The following PTPRD variants were observed in gnomAD, a reference collection of about 807,000 sequenced individuals.
The protein encoded by PTPRD is receptor-type tyrosine-protein phosphatase delta.
In PTPRD, 34 loss-of-function variants were observed where a neutral mutation model predicts 214.5. The observed-to-expected ratio is 0.16, with a 90% confidence interval of 0.12 to 0.21. The LOEUF is 0.21. Among genes scored for constraint, PTPRD ranks in the 10% least tolerant of loss-of-function variants. The probability of loss-of-function intolerance (pLI) is 1.00; values close to 1 mark genes in which losing one functional copy is unlikely to be tolerated. For synonymous variants in PTPRD, 1,128 were observed against 845.7 expected (o/e 1.33, Z -5.79); for missense variants, 2,545 against 2,398.7 (o/e 1.06, Z -1.27).
At chr9:10,585,080 G>C (rs2073457957) in intron 2 of PTPRD, among the ~76,000 whole-genome samples, 2 of 151,912 alleles carry the variant, frequency 1.3e-5, no homozygotes, top group South Asian at 2.1e-4. Context: ...TAAATAAATT[G>C]TGAAATAGGC....
intron 12 of PTPRD, among the ~76,000 whole-genome samples, chr9:8,690,863 C>T (rs547371040): frequency 3.3e-5 from 5 of 152,196 alleles, no homozygotes; most frequent in African/African-American, 1.2e-4. Flanking sequence ...ATTCAAGTAC[C>T]TAGACCTCCC....
intron 8 of PTPRD, among the ~76,000 whole-genome samples, chr9:9,530,734 G>C (rs1590870969): frequency 6.6e-6 from 1 of 152,136 alleles, no homozygotes; most frequent in East Asian, 1.9e-4. Context: ...GTCATTTGCA[G>C]CAACATGGAT....
At chr9:9,132,919 T>C (rs894279656) in intron 10 of PTPRD, among the ~76,000 whole-genome samples, 1 of 152,202 alleles carries the variant, frequency 6.6e-6, no homozygotes, top group Non-Finnish European at 1.5e-5. Flanking sequence ...GGATGGCATA[T>C]ATAATATTAA....
intron 3 of PTPRD, among the ~76,000 whole-genome samples, chr9:10,215,043 C>T (rs1450789469): frequency 2.6e-5 from 4 of 152,034 alleles, no homozygotes; most frequent in Non-Finnish European, 5.9e-5. Context: ...TGATTCCATA[C>T]TCTAGTCTTA....
chr9:9,055,229 G>GA lies in PTPRD; in HGVS notation c.-142-36495dup, dbSNP rs538934829. Among the ~76,000 whole-genome samples the GA allele has an allele frequency of 1.4e-3, 211 of 152,008 alleles. 1 individual carries two copies. The highest frequency in any genetic ancestry group is 4.9e-3 in the African/African-American group (204 of 41,496). On this transcript the variant is annotated intron_variant, in intron 10 of 45. Coordinates refer to ENST00000381196, the MANE Select transcript of PTPRD (RefSeq NM_002839.4). ...GCATTGCTTATAAGAGCCACCATCA[G>GA]AAAAAAACATGATGATTATAGTTAA...
At chr9:9,822,338 G>C (rs2051064972) in intron 5 of PTPRD, among the ~76,000 whole-genome samples, 1 of 151,258 alleles carries the variant, frequency 6.6e-6, no homozygotes, top group Non-Finnish European at 1.5e-5. Flanking sequence ...TTGAACCTGG[G>C]AGGCGTAAGT....
At chr9:9,427,688 A>C (rs1361706202) in intron 8 of PTPRD, among the ~76,000 whole-genome samples, 1 of 152,224 alleles carries the variant, frequency 6.6e-6, no homozygotes, top group African/African-American at 2.4e-5. Context: ...CACAAAGGGA[A>C]GCCCATCAGA....
intron 5 of PTPRD, among the ~76,000 whole-genome samples, chr9:9,837,289 T>A (rs2057041285): frequency 6.6e-6 from 1 of 152,146 alleles, no homozygotes; most frequent in African/African-American, 2.4e-5. Flanking sequence ...AATATGGGAC[T>A]ATTCTTTTGA....
At chr9:9,389,381 A>T (rs1227128742) in intron 9 of PTPRD, among the ~76,000 whole-genome samples, 5 of 152,024 alleles carry the variant, frequency 3.3e-5, no homozygotes. Context: ...GTGGTGGCAC[A>T]TGCCTGTAAT....
intron 12 of PTPRD, among the ~76,000 whole-genome samples, chr9:8,653,248 G>A (rs1262552854): frequency 1.3e-5 from 2 of 152,074 alleles, no homozygotes; most frequent in East Asian, 1.9e-4. Context: ...ACTCCAATTC[G>A]CTACATAAAT....
intron 4 of PTPRD, among the ~76,000 whole-genome samples, chr9:9,995,528 AC>A (rs1324533291): frequency 6.6e-6 from 1 of 151,798 alleles, no homozygotes; most frequent in African/African-American, 2.4e-5. Flanking sequence ...CCTTTTCTCC[AC>A]CCCACTCTGT....
intron 2 of PTPRD, among the ~76,000 whole-genome samples, chr9:10,527,686 A>G (rs1170942716): frequency 6.6e-6 from 1 of 152,172 alleles, no homozygotes; most frequent in Non-Finnish European, 1.5e-5. Flanking sequence ...AAATGTAATC[A>G]CCATAAGAAG....
At chr9:8,859,081 C>T (rs535754190) in intron 11 of PTPRD, among the ~76,000 whole-genome samples, 1 of 152,330 alleles carries the variant, frequency 6.6e-6, no homozygotes, top group African/African-American at 2.4e-5. Flanking sequence ...TTGTGTCCGC[C>T]CCAGTTCACC....
intron 12 of PTPRD, among the ~76,000 whole-genome samples, chr9:8,681,729 T>C (rs992509636): frequency 5.9e-5 from 9 of 152,242 alleles, no homozygotes; most frequent in Admixed American, 5.2e-4. Flanking sequence ...CTTTTAAAGA[T>C]GACCTGAAAA....
At position 9,316,528 on chromosome 9, in the gene PTPRD, A is replaced by G. The variant is rs538426132; in HGVS notation, c.-203+80921T>C. On this transcript the variant is annotated intron_variant, in intron 9 of 45. Transcript: ENST00000381196. ...AAAAATGTTGGACATGATTAACCAA[A>G]TAACTCTTTGTGGCATGTACACACA... Among the ~76,000 whole-genome samples the G allele has an allele frequency of 1.3e-4, 20 of 152,224 alleles. No homozygotes were observed. In the East Asian group the frequency reaches 2.9e-3, roughly 22 times the overall value.
chr9:9,358,568 T>C (rs924971032), intron 9 of PTPRD, among the ~76,000 whole-genome samples: 5 of 151,270 alleles, frequency 3.3e-5, no homozygotes, highest in African/African-American at 1.2e-4. Flanking sequence ...TAAGTTGCAA[T>C]CCTGAGTATG....
chr9:8,333,451 A>G (rs985930354), intron 43 of PTPRD, among the ~76,000 whole-genome samples: 4 of 152,216 alleles, frequency 2.6e-5, no homozygotes, highest in Non-Finnish European at 5.9e-5. Context: ...ATCCAGCCAA[A>G]TTAAGCTTCA....
chr9:8,860,968 A>T (rs1232317022), intron 11 of PTPRD: 3 of 152,194 alleles, frequency 2.0e-5, no homozygotes, highest in African/African-American at 7.2e-5. Flanking sequence ...GAATATTTTT[A>T]AAACTCCAAA....
intron 3 of PTPRD, among the ~76,000 whole-genome samples, chr9:10,198,477 C>T (rs2099406749): frequency 6.6e-6 from 1 of 152,020 alleles, no homozygotes; most frequent in South Asian, 2.1e-4. Flanking sequence ...GTAATGATTG[C>T]CTGAAGAGGC....
Sources: gnomAD v4.1 joint callset for allele counts (sites outside exome capture counted in the v4.1 genomes callset) on GRCh38, gnomAD v4.1.1 for gene constraint, MANE v1.5 for transcripts, NCBI Gene and HGNC (gene_info 2026-07-23, HGNC 2026-07-21) for gene names.